Variants in STMN2 observed in about 807,000 individuals in gnomAD.
STMN2 encodes the protein stathmin-2.
In STMN2, 2 loss-of-function variants were observed where a neutral mutation model predicts 24.1. The observed-to-expected ratio is 0.08, with a 90% CI of 0.03 to 0.26. The LOEUF is 0.26. Ranked by LOEUF, STMN2 falls within the 10% of genes least tolerant of loss-of-function variation. STMN2 has a pLI of 1.00. For synonymous variants in STMN2, 83 were observed against 77.5 expected (o/e 1.07, Z -0.37); for missense variants, 114 against 213.6 (o/e 0.53, Z 2.91).
At chr8:79,662,980 C>T (rs1401522329) in intron 4 of STMN2, among the ~76,000 whole-genome samples, 1 of 152,104 alleles carries the variant, frequency 6.6e-6, no homozygotes, top group Non-Finnish European at 1.5e-5. Flanking sequence ...TGCATCCATG[C>T]TAATTTCCCC....
At chr8:79,613,033 G>A (rs1809279201) in intron 1 of STMN2, among the ~76,000 whole-genome samples, 1 of 151,972 alleles carries the variant, frequency 6.6e-6, no homozygotes, top group Non-Finnish European at 1.5e-5. Context: ...ACAAAGGCGC[G>A]GCCCCACCCA....
chr8:79,663,488 C>A lies in STMN2; in HGVS notation c.481-1327C>A, dbSNP rs148356404. ...ATGCAGGTCTGGTACACATTAAGTGCCTAATAAATATTCAGTATTATGATA... is the reference window on the plus strand; with the variant it reads ...ATGCAGGTCTGGTACACATTAAGTGACTAATAAATATTCAGTATTATGATA... On this transcript the variant is annotated intron_variant, in intron 4 of 4. Transcript: ENST00000220876. The A allele has an allele frequency of 2.9e-5, 21 of 726,054 alleles. No homozygotes were observed. The South Asian group carries it at 4.9e-4, about 17-fold the overall frequency. 45.0% of individuals were successfully genotyped at this position (726,054 alleles called of 1,614,324 possible). A position where few individuals can be genotyped will look rare whatever the true frequency, so the allele number is the denominator to read the frequency against.
In STMN2 at chr8:79,645,007, T is replaced by A. The variant is rs567305815; in HGVS notation, c.288+3457T>A. Among the ~76,000 whole-genome samples the A allele has an allele frequency of 4.6e-5, 7 of 152,154 alleles. No homozygotes were observed. The East Asian group carries it at 1.2e-3, about 25-fold the overall frequency. Reference sequence around the variant, plus strand: ...CCATCTCTACTAAAAATACAAAAATTCGCAGGGCATAGTGGCGAGTGCCTG... The same window carrying A: ...CCATCTCTACTAAAAATACAAAAATACGCAGGGCATAGTGGCGAGTGCCTG... On this transcript the variant is annotated intron_variant, in intron 3 of 4. Coordinates refer to ENST00000220876, the MANE Select transcript of STMN2 (RefSeq NM_007029.4).
chr8:79,664,679 C>G lies in STMN2; in HGVS notation c.481-136C>G, dbSNP rs1013860928. 6 of 550,696 alleles carry G rather than the reference C, an allele frequency of 1.1e-5. No individual in the cohort carries two copies. The Admixed American group carries it at 2.3e-4, about 21-fold the overall frequency. 34.1% of individuals were successfully genotyped at this position (550,696 alleles called of 1,614,324 possible). ...TTTCTAACATGACATTTTGCAGGGC[C>G]CATATTTTCCTTCTGAAATGGGAAA... On this transcript the variant is annotated intron_variant, in intron 4 of 4. Transcript: ENST00000220876.
At chr8:79,649,207 T>A (rs1230194456) in intron 3 of STMN2, among the ~76,000 whole-genome samples, 1 of 151,958 alleles carries the variant, frequency 6.6e-6, no homozygotes, top group Admixed American at 6.6e-5. Flanking sequence ...TGAAACAAAG[T>A]ACTGGATTAT....
intron 1 of STMN2, among the ~76,000 whole-genome samples, chr8:79,635,911 A>T (rs1342067401): frequency 6.7e-6 from 1 of 148,886 alleles, no homozygotes; most frequent in Non-Finnish European, 1.5e-5. Context: ...ACTTGAAATT[A>T]AAAAAAAAAG....
At chr8:79,637,031 C>A in intron 2 of STMN2, 134 bp downstream of exon 2, 1 of 775,466 alleles carries the variant, frequency 1.3e-6, no homozygotes, top group Non-Finnish European at 2.1e-6. Context: ...CCGTGTCTAG[C>A]TATTATGTCC....
At chr8:79,659,272 G>T (rs544594950) in intron 4 of STMN2, among the ~76,000 whole-genome samples, 62 of 152,238 alleles carry the variant, frequency 4.1e-4, no homozygotes, top group South Asian at 1.0e-3. Flanking sequence ...TCATATCCAG[G>T]ACTCAAAAGA....
chr8:79,611,322 T>C (rs1252358639), intron 1 of STMN2, 108 bp downstream of exon 1: 1 of 1,450,740 alleles, frequency 6.9e-7, no homozygotes, highest in Non-Finnish European at 9.5e-7. Context: ...AAAAAGATGT[T>C]AATGGTAACA....
intron 1 of STMN2, among the ~76,000 whole-genome samples, chr8:79,635,687 T>C (rs1282135163): frequency 6.6e-6 from 1 of 152,100 alleles, no homozygotes; most frequent in Non-Finnish European, 1.5e-5. Context: ...TTCTCACTTA[T>C]AAGTGGGAGC....
chr8:79,650,687 G>T (rs1157270571), intron 3 of STMN2, among the ~76,000 whole-genome samples: 2 of 152,172 alleles, frequency 1.3e-5, no homozygotes, highest in Non-Finnish European at 2.9e-5. Flanking sequence ...AGGAAGCGAG[G>T]TTATGCCTTT....
chr8:79,641,623 T>TCAC, intron 3 of STMN2, 73 bp downstream of exon 3: 1 of 521,010 alleles, frequency 1.9e-6, no homozygotes, highest in Non-Finnish European at 3.0e-6. Context: ...CGGGCACACA[T>TCAC]GCACGCACAC....
Position 79,643,863 on chromosome 8 carries a change from G to A in STMN2, c.288+2313G>A, listed in dbSNP as rs542786410. Among the ~76,000 whole-genome samples, 26 of 152,064 alleles carry A rather than the reference G, an allele frequency of 1.7e-4. No individual in the cohort carries two copies. In the South Asian group the frequency reaches 3.5e-3, roughly 21 times the overall value. ...AATTCCTTAGAATGCTTTAAAAGCC[G>A]TATTCCATCACCTTTCCAGTTATTT... On this transcript the variant is annotated intron_variant, in intron 3 of 4. Transcript: ENST00000220876.
chr8:79,641,988 C>G (rs1162781158), intron 3 of STMN2, among the ~76,000 whole-genome samples: 1 of 152,110 alleles, frequency 6.6e-6, no homozygotes, highest in Non-Finnish European at 1.5e-5. Flanking sequence ...TGTGTCACCC[C>G]CTTTGTCAGG....
At chr8:79,614,827 T>A (rs2130291281) in intron 1 of STMN2, among the ~76,000 whole-genome samples, 1 of 152,360 alleles carries the variant, frequency 6.6e-6, no homozygotes, top group Admixed American at 6.5e-5. Flanking sequence ...TTTTATTTGT[T>A]GCATTGAAAG....
rs1396860823 is a variant in STMN2 at position 79,665,244 on chromosome 8, C to T, written c.*370C>T. ...TCTTTTTGAAGCTCCCCATGTCTAA[C>T]TCCATTCCAAAAGAAAAATGAGGTC... On this transcript the variant is annotated 3_prime_UTR_variant, in exon 5 of 5. Transcript: ENST00000220876. 3 of 167,686 alleles carry T rather than the reference C, an allele frequency of 1.8e-5. No homozygotes were observed. The highest frequency in any genetic ancestry group is 2.5e-5 in the Non-Finnish European group (2 of 78,456). The allele number at this position is 167,686 out of a possible 1,614,324, so 10.4% of individuals were successfully genotyped here.
At chr8:79,626,636 G>A (rs375530471) in intron 1 of STMN2, among the ~76,000 whole-genome samples, 1 of 152,154 alleles carries the variant, frequency 6.6e-6, no homozygotes, top group Non-Finnish European at 1.5e-5. Context: ...AAGCTAATTG[G>A]GCCACTGGAA....
At chr8:79,643,820 T>C (rs1440978890) in intron 3 of STMN2, among the ~76,000 whole-genome samples, 1 of 152,088 alleles carries the variant, frequency 6.6e-6, no homozygotes, top group Non-Finnish European at 1.5e-5. Flanking sequence ...TCCAGTGTTA[T>C]GATGCCCAGA....
At chr8:79,618,465 T>G (rs916047585) in intron 1 of STMN2, among the ~76,000 whole-genome samples, 1 of 152,226 alleles carries the variant, frequency 6.6e-6, no homozygotes, top group Admixed American at 6.5e-5. Flanking sequence ...GCCAGAGATA[T>G]TTAGTTTTAA....
Sources: allele counts gnomAD v4.1 joint callset (sites outside exome capture counted in the v4.1 genomes callset), GRCh38; gene constraint gnomAD v4.1.1; transcripts MANE v1.5; gene names NCBI Gene and HGNC (gene_info 2026-07-23, HGNC 2026-07-21).